The following HDAC9 variants were observed in gnomAD, a reference collection of about 807,000 sequenced individuals.
HDAC9 encodes the protein MEF-2 interacting transcription repressor (MITR) protein.
A neutral mutation model predicts 139.4 loss-of-function variants in HDAC9; 41 were observed. The ratio of observed to expected loss-of-function variants is 0.29; its 90% CI spans 0.23 to 0.38. The LOEUF (loss-of-function observed/expected upper bound fraction) is 0.38, where lower values mean the gene tolerates loss of function less well. Among genes scored for constraint, HDAC9 ranks in the 10% least tolerant of loss-of-function variants. The pLI is 1.00. For synonymous variants in HDAC9, 517 were observed against 476.2 expected, an observed-to-expected ratio of 1.09 and a Z score of -1.12; for missense variants, 1,147 against 1,297.0, an observed-to-expected ratio of 0.88 and a Z score of 1.78.
chr7:18,563,838 C>G (rs1295057789), intron 2 of HDAC9, among the ~76,000 whole-genome samples: 1 of 132,974 alleles, frequency 7.5e-6, no homozygotes, highest in Non-Finnish European at 1.6e-5. Flanking sequence ...TGATTTGCTG[C>G]TTTTTTTTTT....
intron 17 of HDAC9, among the ~76,000 whole-genome samples, chr7:18,806,959 T>G (rs1793760924): frequency 6.6e-6 from 1 of 152,228 alleles, no homozygotes; most frequent in African/African-American, 2.4e-5. Context: ...ATCAGAGTAA[T>G]GCTTCCCTCA....
At chr7:18,969,709 AAG>A (rs199701970) in intron 24 of HDAC9, among the ~76,000 whole-genome samples, 2,364 of 152,318 alleles carry the variant, frequency 0.016, 53 homozygotes, top group African/African-American at 0.054. Flanking sequence ...ATATTTTTAA[AAG>A]TCCGAACTTT....
chr7:18,650,242 G>A (rs900833468), intron 11 of HDAC9, among the ~76,000 whole-genome samples: 1 of 152,146 alleles, frequency 6.6e-6, no homozygotes, highest in Non-Finnish European at 1.5e-5. Context: ...ATGTATGTGG[G>A]AGGGAAGATT....
intron 1 of HDAC9, among the ~76,000 whole-genome samples, chr7:18,417,890 C>G (rs1789233106): frequency 6.6e-6 from 1 of 152,118 alleles, no homozygotes; most frequent in African/African-American, 2.4e-5. Flanking sequence ...TGTGCCTGTT[C>G]AGCCCTCTTG....
intron 2 of HDAC9, among the ~76,000 whole-genome samples, chr7:18,518,891 G>T (rs1331493056): frequency 6.6e-6 from 1 of 152,152 alleles, no homozygotes; most frequent in East Asian, 1.9e-4. Context: ...TTATTTTCTA[G>T]ATTCTCTTAT....
intron 22 of HDAC9, among the ~76,000 whole-genome samples, chr7:18,927,897 G>C (rs1170159934): frequency 6.6e-6 from 1 of 152,110 alleles, no homozygotes; most frequent in Non-Finnish European, 1.5e-5. Context: ...TTTTTAACTA[G>C]AGGCTTTCCT....
chr7:18,781,051 C>T (rs536591734), intron 16 of HDAC9, among the ~76,000 whole-genome samples: 94 of 152,092 alleles, frequency 6.2e-4, no homozygotes, highest in African/African-American at 2.2e-3. Flanking sequence ...AGGCTTCTCT[C>T]CTGGGTCCTT....
intron 1 of HDAC9, among the ~76,000 whole-genome samples, chr7:18,418,346 A>G (rs1030567583): frequency 4.6e-5 from 7 of 151,878 alleles, no homozygotes; most frequent in African/African-American, 1.7e-4. Context: ...TTTCTATTGA[A>G]TACACCTTTA....
At chr7:18,402,910 G>GT (rs1787678304) in intron 1 of HDAC9, among the ~76,000 whole-genome samples, 1 of 152,170 alleles carries the variant, frequency 6.6e-6, no homozygotes, top group Non-Finnish European at 1.5e-5. Context: ...GAAATCTGAT[G>GT]TTCTAAACAG....
intron 6 of HDAC9, among the ~76,000 whole-genome samples, chr7:18,596,521 A>G (rs11984282): frequency 0.017 from 2,520 of 152,252 alleles, 67 homozygotes; most frequent in African/African-American, 0.057. Context: ...ATTGTATTTC[A>G]GTGACTCAAA....
chr7:18,140,761 A>G (rs1419451839), intron 1 of HDAC9, among the ~76,000 whole-genome samples: 23 of 152,118 alleles, frequency 1.5e-4, no homozygotes, highest in Admixed American at 1.5e-3. Context: ...TATAGAATAC[A>G]TATATACACT....
intron 6 of HDAC9, among the ~76,000 whole-genome samples, chr7:18,627,702 C>T (rs1842073946): frequency 1.3e-5 from 2 of 152,058 alleles, no homozygotes; most frequent in Admixed American, 6.6e-5. Flanking sequence ...TGTGGGAGTC[C>T]CGGCAAGTGA....
At chr7:18,738,732 T>C (rs1055410201) in intron 13 of HDAC9, among the ~76,000 whole-genome samples, 1 of 152,174 alleles carries the variant, frequency 6.6e-6, no homozygotes, top group Non-Finnish European at 1.5e-5. Flanking sequence ...TTGATGATTA[T>C]GTGTCTTGGG....
Position 18,639,524 on chromosome 7 carries a change from T to A in HDAC9, c.912+4782T>A, listed in dbSNP as rs565664491. Among the ~76,000 whole-genome samples the A allele has an allele frequency of 3.9e-5, 6 of 152,228 alleles. No individual in the cohort carries two copies. The East Asian group carries it at 1.2e-3, about 29-fold the overall frequency. ...TCACCATTTTATAGTAACACCTTCT[T>A]TGGTGTCCAGTAAAATGAAAACTTG... On this transcript the variant is annotated intron_variant, in intron 8 of 25. Transcript: ENST00000686413.
intron 1 of HDAC9, among the ~76,000 whole-genome samples, chr7:18,472,240 T>G (rs1196775324): frequency 6.6e-6 from 1 of 152,176 alleles, no homozygotes; most frequent in African/African-American, 2.4e-5. Flanking sequence ...AAAATCAAAT[T>G]CCATGCTAAG....
intron 1 of HDAC9, among the ~76,000 whole-genome samples, chr7:18,340,836 A>G (rs892610661): frequency 4.0e-5 from 6 of 151,448 alleles, no homozygotes; most frequent in Non-Finnish European, 8.9e-5. Flanking sequence ...GTATAAATCA[A>G]TTTTCCCATT....
rs543597720 is a variant in HDAC9, at chr7:18,166,518, G to T, written c.25+4169G>T. On this transcript the variant is annotated intron_variant, in intron 2 of 12. Coordinates refer to the HDAC9 transcript ENST00000417496. Reference sequence around the variant, plus strand: ...TCCCCCATAGAAATGTAGAGTACATGTAACTAATGATCAAAAAGTTCTTTG... The same window carrying T: ...TCCCCCATAGAAATGTAGAGTACATTTAACTAATGATCAAAAAGTTCTTTG... Among the ~76,000 whole-genome samples, 14 of 152,226 alleles carry T rather than the reference G, an allele frequency of 9.2e-5. 1 individual carries two copies. The highest frequency in any genetic ancestry group is 2.1e-4 in the Non-Finnish European group (14 of 68,008).
chr7:18,853,944 A>T (rs1797487210), intron 21 of HDAC9, among the ~76,000 whole-genome samples: 1 of 152,196 alleles, frequency 6.6e-6, no homozygotes, highest in African/African-American at 2.4e-5. Flanking sequence ...ATTGTAATTT[A>T]TCCAGCTGAC....
intron 1 of HDAC9, among the ~76,000 whole-genome samples, chr7:18,421,635 C>T (rs1345591048): frequency 6.6e-6 from 1 of 152,188 alleles, no homozygotes; most frequent in Non-Finnish European, 1.5e-5. Context: ...TAAAGTGAAA[C>T]TTCCAGGGCA....
Sources: allele counts gnomAD v4.1 joint callset (sites outside exome capture counted in the v4.1 genomes callset), GRCh38; gene constraint gnomAD v4.1.1; transcripts MANE v1.5; gene names NCBI Gene and HGNC (gene_info 2026-07-23, HGNC 2026-07-21).